The following MICAL3 variants were observed in gnomAD, a reference collection of about 807,000 sequenced individuals.
The protein encoded by MICAL3 is microtubule associated monooxygenase, calponin and LIM domain containing 3.
In MICAL3, 62 loss-of-function variants were observed where a neutral mutation model predicts 207.4. The ratio of observed to expected loss-of-function variants is 0.30; its 90% CI spans 0.24 to 0.37. The LOEUF (loss-of-function observed/expected upper bound fraction) is 0.37, where lower values mean the gene tolerates loss of function less well. Ranked by LOEUF, MICAL3 falls within the 10% of genes least tolerant of loss-of-function variation. The pLI, the probability that MICAL3 is intolerant of heterozygous loss-of-function variation, is 1.00. For missense variants in MICAL3, 2,368 were observed against 2,635.6 expected, an observed-to-expected ratio of 0.90 and a Z score of 2.22; for synonymous variants, 1,077 against 1,069.3, an observed-to-expected ratio of 1.01 and a Z score of -0.14.
chr22:17,916,055 CAAAAAAAA>C (rs755146574), intron 1 of MICAL3, among the ~76,000 whole-genome samples: 45 of 57,834 alleles, frequency 7.8e-4, no homozygotes, highest in African/African-American at 1.9e-3. Flanking sequence ...GATCCAGTCT[CAAAAAAAA>C]AAAAAAAAAA....
At chr22:17,849,688 A>AT (rs57344653) in intron 19 of MICAL3, among the ~76,000 whole-genome samples, 1,129 of 36,330 alleles carry the variant, frequency 0.031, 173 homozygotes, top group African/African-American at 0.081. Flanking sequence ...GTGTGTGTGT[A>AT]TTTTTTTTTT....
At chr22:17,854,500 G>C (rs1925695052) in intron 19 of MICAL3, among the ~76,000 whole-genome samples, 1 of 152,252 alleles carries the variant, frequency 6.6e-6, no homozygotes, top group Admixed American at 6.5e-5. Context: ...GCAGTACATG[G>C]AGGACCAACC....
chr22:17,863,369 T>G (rs1214917259), intron 19 of MICAL3: 1 of 985,262 alleles, frequency 1.0e-6, no homozygotes, highest in Admixed American at 6.1e-5. Context: ...TGGTGCTCTC[T>G]CCAACTGAAT....
At chr22:18,017,926 A>G (rs1924174207) in intron 1 of MICAL3, among the ~76,000 whole-genome samples, 1 of 150,392 alleles carries the variant, frequency 6.6e-6, no homozygotes, top group Admixed American at 6.6e-5. Context: ...CATTTTTTGT[A>G]TTTTTAGTAG....
chr22:17,802,533 T>C (rs378459), intron 29 of MICAL3, among the ~76,000 whole-genome samples: 40,820 of 151,844 alleles, frequency 0.27, 5,526 homozygotes, highest in Admixed American at 0.28. Context: ...CCTGGGACAC[T>C]GAGGGAGTCT....
chr22:17,835,028 C>T lies in MICAL3; in HGVS notation c.2802-2921G>A, dbSNP rs1030218900. On this transcript the variant is annotated intron_variant, in intron 20 of 31. Coordinates refer to ENST00000441493, the MANE Select transcript of MICAL3 (RefSeq NM_015241.3). ...CGCACTGCAGTTCACTGGGAGGGGG[C>T]CTCAGCACAGGCCTGTCCTCACCCT... 2.0e-5 allele frequency among the ~76,000 whole-genome samples: 3 copies of T among 152,214 alleles called. No homozygotes were observed. In the East Asian group the frequency reaches 5.8e-4, roughly 29 times the overall value.
At chr22:17,950,177 TGGAGACAAGAG>T in intron 1 of MICAL3, among the ~76,000 whole-genome samples, 1 of 151,596 alleles carries the variant, frequency 6.6e-6, no homozygotes. Flanking sequence ...TTTTTTTTTT[TGGAGACAAGAG>T]TCTCGCTCTG....
At position 17,956,911 on chromosome 22, in the gene MICAL3, G is replaced by A. The variant is rs193140456; in HGVS notation, c.-74-50025C>T. Among the ~76,000 whole-genome samples the A allele has an allele frequency of 2.4e-3, 370 of 152,252 alleles. 1 individual carries two copies. Among genetic ancestry groups the A allele is most frequent in the Non-Finnish European group, 2.3e-3 (156 of 68,020 alleles). On this transcript the variant is annotated intron_variant, in intron 1 of 31. Coordinates refer to ENST00000441493, the MANE Select transcript of MICAL3 (RefSeq NM_015241.3). ...CAGTGATGCACTCACTTACAAAACC[G>A]CATTTCTCAAACTTCCTTGAAGCTA...
At chr22:17,893,988 G>GAA (rs773131738) in intron 10 of MICAL3, 84 bp from the exon 11 acceptor site, 23 of 976,142 alleles carry the variant, frequency 2.4e-5, no homozygotes, top group Non-Finnish European at 3.6e-5. Context: ...TGGCTGAAAG[G>GAA]AAAGTCTGGG....
At chr22:17,893,108 A>G (rs1233242793) in intron 11 of MICAL3, among the ~76,000 whole-genome samples, 2 of 152,190 alleles carry the variant, frequency 1.3e-5, no homozygotes, top group Non-Finnish European at 2.9e-5. Context: ...CACCAGCAGC[A>G]AAGCTTGGCC....
rs749554631 is a variant in MICAL3 at position 17,896,799 on chromosome 22, G to A, written c.1131C>T (p.Ser377=). Residue 377 remains serine (S), a synonymous_variant, in exon 8 of 32, where the codon TCC becomes TCT. Coordinates refer to ENST00000441493, the MANE Select transcript of MICAL3 (RefSeq NM_015241.3). ...AMFDFTCMYA[S]ENAALVREQN... is the part of the protein sequence containing the mutation. ...GCTCCCGCACCAAGGCGGCGTTCTC[G>A]GAGGCATACATACAAGTGAAGTCAA... The A allele has an allele frequency of 1.9e-5, 31 of 1,613,904 alleles. No individual in the cohort carries two copies. Among genetic ancestry groups the A allele is most frequent in the Middle Eastern group, 1.6e-4 (1 of 6,084 alleles).
chr22:17,930,346 A>C (rs1283816963), intron 1 of MICAL3, among the ~76,000 whole-genome samples: 1 of 152,264 alleles, frequency 6.6e-6, no homozygotes, highest in Non-Finnish European at 1.5e-5. Context: ...TAGCCAAAAG[A>C]CAAGTAAAAG....
Position 17,872,041 on chromosome 22 carries a change from CGGGA to C in MICAL3, c.2242-22_2242-19del, listed in dbSNP as rs1321268217. 9 of 1,582,904 alleles carry C rather than the reference CGGGA, an allele frequency of 5.7e-6. No individual in the cohort carries two copies. The highest frequency in any genetic ancestry group is 1.7e-4 in the Middle Eastern group (1 of 6,052). ...ATGGAGCCCTGCAGGAGGTGGCGGT[CGGGA>C]GGAAGGGGAGCACCTCAGGGAGTGC... is the stretch of plus-strand genomic sequence containing the variant. On this transcript the variant is annotated intron_variant, in intron 16 of 31. Coordinates refer to ENST00000441493, the MANE Select transcript of MICAL3 (RefSeq NM_015241.3).
intron 1 of MICAL3, among the ~76,000 whole-genome samples, chr22:17,976,555 GTGTGTGTATATATATA>G (rs1166048316): frequency 5.6e-5 from 4 of 71,124 alleles, no homozygotes; most frequent in African/African-American, 3.6e-4. Flanking sequence ...GTGTGTGTGT[GTGTGTGTATATATATA>G]TATATATATA....
chr22:17,836,586 C>CGTGCAGACCAGG (rs1461632363), intron 20 of MICAL3, among the ~76,000 whole-genome samples: 5 of 151,690 alleles, frequency 3.3e-5, no homozygotes, highest in African/African-American at 1.2e-4. Flanking sequence ...ACCAGGAATT[C>CGTGCAGACCAGG]AAGCAGACCC....
Position 17,893,862 on chromosome 22 carries a change from G to C in MICAL3, c.1492C>G (p.Leu498Val). ...YDTGETKDIHLEMESLVNSRT... is the reference protein window; with the variant it reads ...YDTGETKDIHVEMESLVNSRT... ...GAATTCACCAGGCTCTCCATTTCCA[G>C]GTGAATATCTTTTGTTTCGCCAGTA... Residue 498 changes from leucine (L) to valine (V), a missense_variant, in exon 11 of 32, where the codon CTG becomes GTG. By Grantham distance (32) the Leu-to-Val change is conservative (BLOSUM62 1). Transcript: ENST00000441493. 1 of 1,573,196 alleles carries C rather than the reference G, an allele frequency of 6.4e-7. No individual in the cohort carries two copies. Among genetic ancestry groups the C allele is most frequent in the Non-Finnish European group, 8.6e-7 (1 of 1,157,798 alleles).
intron 9 of MICAL3, 81 bp from the exon 10 acceptor site, chr22:17,895,491 C>G: frequency 6.6e-7 from 1 of 1,508,400 alleles, no homozygotes; most frequent in Non-Finnish European, 9.1e-7. Context: ...GTTCTGACAG[C>G]GCAGCAAGTC....
intron 1 of MICAL3, among the ~76,000 whole-genome samples, chr22:17,993,442 C>A (rs1303005328): frequency 1.3e-5 from 2 of 152,172 alleles, no homozygotes; most frequent in Non-Finnish European, 2.9e-5. Context: ...CCTGGCCCAG[C>A]TCATTCTCTT....
chr22:17,974,960 A>T (rs936540990), intron 1 of MICAL3, among the ~76,000 whole-genome samples: 1 of 152,212 alleles, frequency 6.6e-6, no homozygotes, highest in Non-Finnish European at 1.5e-5. Flanking sequence ...ATGTGGTAGA[A>T]GACAGAGCTG....
Sources: allele counts gnomAD v4.1 joint callset (sites outside exome capture counted in the v4.1 genomes callset), GRCh38; gene constraint gnomAD v4.1.1; transcripts MANE v1.5; gene names NCBI Gene and HGNC (gene_info 2026-07-23, HGNC 2026-07-21).